The following MEI4 variants were observed in gnomAD, a reference collection of about 807,000 sequenced individuals.
MEI4 encodes the protein meiotic double-stranded break formation protein 4, also known as meiosis-specific protein MEI4.
Under a neutral mutation model 31.4 loss-of-function variants are expected in MEI4, and 27 were observed. The observed-to-expected ratio is 0.86, with a 90% CI of 0.63 to 1.19. The LOEUF (loss-of-function observed/expected upper bound fraction) is 1.19. MEI4 is among the 50% of genes most tolerant of loss of function. The probability of loss-of-function intolerance (pLI) is 0.00; values close to 1 mark genes in which losing one functional copy is unlikely to be tolerated. For missense variants in MEI4, 329 were observed against 398.9 expected, an observed-to-expected ratio of 0.82 and a Z score of 1.49; for synonymous variants, 122 against 145.4, an observed-to-expected ratio of 0.84 and a Z score of 1.16.
Position 77,923,867 on chromosome 6 carries a change from T to A in MEI4, c.*521T>A, listed in dbSNP as rs1488461718. The A allele has an allele frequency of 6.6e-6, 1 of 151,848 alleles. No individual in the cohort carries two copies. The highest frequency in any genetic ancestry group is 1.5e-5 in the Non-Finnish European group (1 of 67,840). 9.4% of individuals were successfully genotyped at this position (151,848 alleles called of 1,614,324 possible). A position where few individuals can be genotyped will look rare whatever the true frequency, so the allele number is the denominator to read the frequency against. ...AGAATCATATAGAAGTAGAACTTTT[T>A]TAACATTTGGAAACTTAATTGCTTT... On this transcript the variant is annotated 3_prime_UTR_variant, in exon 5 of 5. Transcript: ENST00000684080.
intron 2 of MEI4, among the ~76,000 whole-genome samples, chr6:77,732,150 T>G (rs1160793939): frequency 5.3e-5 from 8 of 151,660 alleles, no homozygotes; most frequent in Admixed American, 5.2e-4. Flanking sequence ...AGTAGTTTTT[T>G]CCAATTCTGT....
At chr6:77,716,723 C>A in intron 2 of MEI4, 1 of 207,590 alleles carries the variant, frequency 4.8e-6, no homozygotes, top group Non-Finnish European at 8.4e-6. Flanking sequence ...ATCATATAAA[C>A]CAAGTGAAGA....
chr6:77,821,047 A>G (rs899624407), intron 3 of MEI4, among the ~76,000 whole-genome samples: 1 of 151,766 alleles, frequency 6.6e-6, no homozygotes, highest in African/African-American at 2.4e-5. Context: ...CTCTATGTAC[A>G]TTTTCCAGTT....
At chr6:77,753,579 A>G (rs956768770) in intron 2 of MEI4, among the ~76,000 whole-genome samples, 2 of 152,222 alleles carry the variant, frequency 1.3e-5, no homozygotes, top group Admixed American at 6.5e-5. Context: ...TAGAATGGCA[A>G]TCATTAAAAA....
chr6:77,753,764 G>C (rs1305128806), intron 2 of MEI4, among the ~76,000 whole-genome samples: 1 of 152,094 alleles, frequency 6.6e-6, no homozygotes, highest in Non-Finnish European at 1.5e-5. Flanking sequence ...TATACCCAAA[G>C]GATTATAAAC....
chr6:77,896,983 C>T (rs530699677), intron 4 of MEI4, among the ~76,000 whole-genome samples: 15 of 151,940 alleles, frequency 9.9e-5, no homozygotes, highest in Non-Finnish European at 2.1e-4. Context: ...CTTACTTGAA[C>T]GTGTATACTC....
intron 2 of MEI4, among the ~76,000 whole-genome samples, chr6:77,735,598 A>G (rs1009714070): frequency 6.6e-6 from 1 of 151,942 alleles, no homozygotes; most frequent in African/African-American, 2.4e-5. Context: ...CGTAGCTCGG[A>G]GTAATTTGAT....
intron 4 of MEI4, among the ~76,000 whole-genome samples, chr6:77,842,842 T>A (rs1770397767): frequency 1.3e-5 from 2 of 151,998 alleles, no homozygotes; most frequent in African/African-American, 4.8e-5. Flanking sequence ...GACCAATTAT[T>A]TGGAAGATAT....
At chr6:77,859,715 C>T (rs920569687) in intron 4 of MEI4, among the ~76,000 whole-genome samples, 4 of 152,108 alleles carry the variant, frequency 2.6e-5, no homozygotes, top group Non-Finnish European at 5.9e-5. Context: ...TGGGGCTACT[C>T]GTGCATATTA....
At chr6:77,824,547 A>T (rs1769899298) in intron 3 of MEI4, among the ~76,000 whole-genome samples, 1 of 152,164 alleles carries the variant, frequency 6.6e-6, no homozygotes, top group African/African-American at 2.4e-5. Context: ...TAAATGCTTA[A>T]TAAATTGTCT....
chr6:77,765,314 A>G (rs1481599045), intron 3 of MEI4, among the ~76,000 whole-genome samples: 2 of 150,280 alleles, frequency 1.3e-5, no homozygotes, highest in Non-Finnish European at 2.9e-5. Flanking sequence ...GCAACGTGAG[A>G]TATTTTTTTG....
chr6:77,692,957 G>C (rs1403059607), intron 2 of MEI4, among the ~76,000 whole-genome samples: 1 of 152,022 alleles, frequency 6.6e-6, no homozygotes, highest in East Asian at 1.9e-4. Context: ...AAAGAGAATA[G>C]AGCCATGAGT....
At chr6:77,919,205 G>A (rs1309757613) in intron 4 of MEI4, among the ~76,000 whole-genome samples, 1 of 151,810 alleles carries the variant, frequency 6.6e-6, no homozygotes, top group Admixed American at 6.6e-5. Flanking sequence ...ATTTTTTTCA[G>A]CACCACACCA....
At chr6:77,707,468 T>G (rs904511783) in intron 2 of MEI4, among the ~76,000 whole-genome samples, 1 of 152,230 alleles carries the variant, frequency 6.6e-6, no homozygotes, top group Non-Finnish European at 1.5e-5. Flanking sequence ...CATACAAATT[T>G]GGAAAATTCT....
chr6:77,776,283 T>C (rs891185848), intron 3 of MEI4, among the ~76,000 whole-genome samples: 2 of 152,152 alleles, frequency 1.3e-5, no homozygotes, highest in African/African-American at 4.8e-5. Context: ...GAGGGCTTTT[T>C]TTCTGCTTAC....
intron 1 of MEI4, among the ~76,000 whole-genome samples, chr6:77,663,467 A>T (rs945977123): frequency 6.6e-6 from 1 of 152,108 alleles, no homozygotes; most frequent in African/African-American, 2.4e-5. Context: ...CGGCAATGAG[A>T]TATAGCTGTA....
intron 2 of MEI4, among the ~76,000 whole-genome samples, chr6:77,747,109 C>G (rs1312577644): frequency 6.6e-6 from 1 of 151,966 alleles, no homozygotes; most frequent in Non-Finnish European, 1.5e-5. Context: ...ATCAGGAGTT[C>G]AAGACCAGCC....
intron 4 of MEI4, among the ~76,000 whole-genome samples, chr6:77,855,971 C>T (rs2127719641): frequency 6.6e-6 from 1 of 152,200 alleles, no homozygotes; most frequent in East Asian, 1.9e-4. Flanking sequence ...TAAATATATA[C>T]AAGAGTAATC....
chr6:77,874,777 C>A (rs183019213), intron 4 of MEI4, among the ~76,000 whole-genome samples: 1 of 152,142 alleles, frequency 6.6e-6, no homozygotes, highest in East Asian at 1.9e-4. Flanking sequence ...TGAGATATGT[C>A]CCATCAGTAC....
Sources: allele counts gnomAD v4.1 joint callset (sites outside exome capture counted in the v4.1 genomes callset), GRCh38; gene constraint gnomAD v4.1.1; transcripts MANE v1.5; gene names NCBI Gene and HGNC (gene_info 2026-07-23, HGNC 2026-07-21).